Variants in CDH18 observed in about 807,000 individuals in gnomAD.
CDH18 encodes cadherin 18, also known as cadherin-18.
Under a neutral mutation model 67.9 loss-of-function variants are expected in CDH18, and 31 were observed. That is an observed-to-expected ratio of 0.46 (90% CI 0.34 to 0.62). The LOEUF (loss-of-function observed/expected upper bound fraction) is 0.62, where lower values mean the gene tolerates loss of function less well. Ranked by LOEUF, CDH18 falls within the 20% of genes least tolerant of loss-of-function variation. The pLI is 0.01. For missense variants in CDH18, 890 were observed against 975.5 expected (o/e 0.91, Z 1.17); for synonymous variants, 362 against 347.2 (o/e 1.04, Z -0.48).
intron 1 of CDH18, among the ~76,000 whole-genome samples, chr5:20,430,777 A>G (rs944023241): frequency 6.6e-6 from 1 of 152,224 alleles, no homozygotes; most frequent in African/African-American, 2.4e-5. Context: ...TAACTTCACT[A>G]AGATGGCCAT....
intron 2 of CDH18, among the ~76,000 whole-genome samples, chr5:20,106,753 A>G (rs1338282492): frequency 6.6e-6 from 1 of 152,176 alleles, no homozygotes; most frequent in African/African-American, 2.4e-5. Flanking sequence ...ATTCAACCTG[A>G]GACTATATGG....
intron 11 of CDH18, among the ~76,000 whole-genome samples, chr5:19,493,606 G>C (rs1474941086): frequency 6.6e-6 from 1 of 151,628 alleles, no homozygotes; most frequent in Non-Finnish European, 1.5e-5. Context: ...GGTCCAATAA[G>C]TGAATATATT....
At chr5:19,533,328 G>A (rs1489818771) in intron 9 of CDH18, among the ~76,000 whole-genome samples, 1 of 152,200 alleles carries the variant, frequency 6.6e-6, no homozygotes, top group Non-Finnish European at 1.5e-5. Flanking sequence ...TTTGGATTCT[G>A]CAACATGGAG....
rs1396364 is a variant in CDH18 at position 20,230,253 on chromosome 5, A to T, written c.-518+25191T>A. ...AGATCCACTACCCCAGGAATCAGGG[A>T]ATCACATATGTGGTCATCCACTAAG... On this transcript the variant is annotated intron_variant, in intron 2 of 14. Coordinates refer to the CDH18 transcript ENST00000507958. 5.4e-3 allele frequency among the ~76,000 whole-genome samples: 829 copies of T among 152,264 alleles called. 10 individuals carry two copies. Among genetic ancestry groups the T allele is most frequent in the African/African-American group, 0.019 (790 of 41,552 alleles).
At chr5:20,146,092 C>A (rs1189604344) in intron 2 of CDH18, among the ~76,000 whole-genome samples, 2 of 152,096 alleles carry the variant, frequency 1.3e-5, no homozygotes, top group Non-Finnish European at 2.9e-5. Context: ...CAACTGGTCT[C>A]CTCCTAGAAT....
At chr5:20,500,246 A>T (rs953908763) in intron 1 of CDH18, among the ~76,000 whole-genome samples, 1 of 152,076 alleles carries the variant, frequency 6.6e-6, no homozygotes, top group African/African-American at 2.4e-5. Context: ...GGAGAAGTAC[A>T]TTTAAATAAC....
intron 5 of CDH18, among the ~76,000 whole-genome samples, chr5:19,646,574 G>C (rs897609742): frequency 6.6e-6 from 1 of 151,916 alleles, no homozygotes; most frequent in South Asian, 2.1e-4. Context: ...TCCTGACCTC[G>C]TCGTGATCCA....
chr5:19,552,382 A>C lies in CDH18; in HGVS notation c.1254-8377T>G, dbSNP rs138812665. 8.4e-3 allele frequency among the ~76,000 whole-genome samples: 1,280 copies of C among 152,308 alleles called. 14 individuals carry two copies. The highest frequency in any genetic ancestry group is 0.02 in the Middle Eastern group (6 of 294). On this transcript the variant is annotated intron_variant, in intron 8 of 12. Coordinates refer to ENST00000382275, the MANE Select transcript of CDH18 (RefSeq NM_004934.5). Reference sequence around the variant, plus strand: ...ATACAATTATTGACTGTGAAAGCTCATCTTTTAGACTTCAGTTTAAATCTA... The same window carrying C: ...ATACAATTATTGACTGTGAAAGCTCCTCTTTTAGACTTCAGTTTAAATCTA...
intron 2 of CDH18, among the ~76,000 whole-genome samples, chr5:19,928,937 A>G (rs73059681): frequency 0.014 from 2,151 of 151,970 alleles, 53 homozygotes; most frequent in African/African-American, 0.047. Flanking sequence ...GACTGGGTTG[A>G]AAGAGACCTA....
intron 1 of CDH18, among the ~76,000 whole-genome samples, chr5:20,400,575 A>G (rs1414757686): frequency 6.8e-6 from 1 of 146,972 alleles, no homozygotes; most frequent in African/African-American, 2.5e-5. Flanking sequence ...AGCCTGGCCA[A>G]CATGCCATGT....
chr5:20,521,357 C>T (rs1755730848), intron 1 of CDH18, among the ~76,000 whole-genome samples: 2 of 152,074 alleles, frequency 1.3e-5, no homozygotes, highest in Admixed American at 6.6e-5. Context: ...GCCTTCTGTC[C>T]ACAAAGTGTT....
Position 19,721,330 on chromosome 5 carries a change from T to C in CDH18, c.643+17A>G, listed in dbSNP as rs759033672. The C allele has an allele frequency of 7.7e-6, 12 of 1,563,540 alleles. No individual in the cohort carries two copies. Among genetic ancestry groups the C allele is most frequent in the South Asian group, 3.6e-5 (3 of 83,144 alleles). On this transcript the variant is annotated intron_variant, in intron 5 of 12. Coordinates refer to ENST00000382275, the MANE Select transcript of CDH18 (RefSeq NM_004934.5). ...GTAGCAAACGCTTGCATGCGAGTTATGTGTAAATGCACTAACCTGTTTTAG... is the reference window on the plus strand; with the variant it reads ...GTAGCAAACGCTTGCATGCGAGTTACGTGTAAATGCACTAACCTGTTTTAG...
intron 5 of CDH18, among the ~76,000 whole-genome samples, chr5:19,699,892 G>A (rs925145191): frequency 1.3e-5 from 2 of 151,998 alleles, no homozygotes; most frequent in Admixed American, 6.6e-5. Context: ...TACAGTGTAC[G>A]CTATTAAGGT....
Position 19,693,812 on chromosome 5 carries a change from C to A in CDH18, c.643+27535G>T, listed in dbSNP as rs1198765633. On this transcript the variant is annotated intron_variant, in intron 5 of 12. Coordinates refer to ENST00000382275, the MANE Select transcript of CDH18 (RefSeq NM_004934.5). ...TCGGGAGGCTGAGGCAAGAGAATCG[C>A]TTGAACCTGAGAGCTGGAGGTTGCA... is the stretch of plus-strand genomic sequence containing the variant. Among the ~76,000 whole-genome samples, 5 of 150,908 alleles carry A rather than the reference C, an allele frequency of 3.3e-5. No homozygotes were observed. The East Asian group carries it at 9.9e-4, about 30-fold the overall frequency.
intron 2 of CDH18, among the ~76,000 whole-genome samples, chr5:19,855,443 G>A (rs1330205045): frequency 2.6e-5 from 4 of 152,104 alleles, no homozygotes; most frequent in Admixed American, 1.3e-4. Flanking sequence ...ATCAGGGAGA[G>A]TGCATTGGAT....
intron 1 of CDH18, among the ~76,000 whole-genome samples, chr5:20,533,949 T>C (rs1291969830): frequency 6.6e-6 from 1 of 152,018 alleles, no homozygotes; most frequent in African/African-American, 2.4e-5. Flanking sequence ...TTTTTATATA[T>C]AAACCAAAAG....
rs1205172001 is a variant in CDH18 at position 19,471,809 on chromosome 5, T to C, written c.*1417A>G. Among the ~76,000 whole-genome samples, 2 of 152,190 alleles carry C rather than the reference T, an allele frequency of 1.3e-5. No homozygotes were observed. Among genetic ancestry groups the C allele is most frequent in the East Asian group, 1.9e-4 (1 of 5,196 alleles). ...ATTTCATGAAATTCTCCTGTGATAA[T>C]ATTTTATGCCAGATGCATGTAAATA... On this transcript the variant is annotated 3_prime_UTR_variant, in exon 13 of 13. Transcript: ENST00000382275.
At chr5:19,657,726 C>T (rs1756591899) in intron 5 of CDH18, among the ~76,000 whole-genome samples, 1 of 152,160 alleles carries the variant, frequency 6.6e-6, no homozygotes, top group African/African-American at 2.4e-5. Flanking sequence ...AAAACATCTT[C>T]TCTTTACAAG....
chr5:20,280,440 T>A (rs946503959), intron 1 of CDH18, among the ~76,000 whole-genome samples: 8 of 152,150 alleles, frequency 5.3e-5, no homozygotes, highest in African/African-American at 1.9e-4. Flanking sequence ...TTCCCACCTA[T>A]GAGTGAGAAC....
Sources: allele counts gnomAD v4.1 joint callset (sites outside exome capture counted in the v4.1 genomes callset), GRCh38; gene constraint gnomAD v4.1.1; transcripts MANE v1.5; gene names NCBI Gene and HGNC (gene_info 2026-07-23, HGNC 2026-07-21).